The following HORMAD1 variants were observed in gnomAD, a reference collection of about 807,000 sequenced individuals.
HORMAD1 encodes the protein HORMA domain containing 1.
HORMAD1 carries 33 observed loss-of-function variants against 58.2 expected under a neutral mutation model. That is an observed-to-expected ratio of 0.57 (90% CI 0.43 to 0.76). The LOEUF is 0.76. Ranked by LOEUF, HORMAD1 falls within the 30% of genes least tolerant of loss-of-function variation. The pLI is 0.00. For synonymous variants in HORMAD1, 137 were observed against 144.6 expected, an observed-to-expected ratio of 0.95 and a Z score of 0.38; for missense variants, 363 against 462.0, an observed-to-expected ratio of 0.79 and a Z score of 1.96.
chr1:150,719,621 A>G (rs1652183049), intron 1 of HORMAD1, 83 bp from the exon 2 acceptor site: 1 of 608,230 alleles, frequency 1.6e-6, no homozygotes, highest in Non-Finnish European at 2.8e-6. Flanking sequence ...AATTCAAAAC[A>G]ATTTTATGTG....
chr1:150,704,215 AGTTACCCGGGT>A, intron 11 of HORMAD1, 21 bp from the exon 12 acceptor site: 4 of 1,449,244 alleles, frequency 2.8e-6, no homozygotes, highest in Non-Finnish European at 3.8e-6. Flanking sequence ...AAAAAAAAAA[AGTTACCCGGGT>A]ATAAAATTGA....
chr1:150,718,918 A>C lies in HORMAD1; in HGVS notation c.33+555T>G, dbSNP rs587656205. On this transcript the variant is annotated intron_variant, in intron 2 of 14. Coordinates refer to ENST00000361824, the MANE Select transcript of HORMAD1 (RefSeq NM_032132.5). ...ATTCATTAATACCTAATGTAAATTAAATGTGAATGAGCAATTTAATGCAAT... is the reference window on the plus strand; with the variant it reads ...ATTCATTAATACCTAATGTAAATTACATGTGAATGAGCAATTTAATGCAAT... Among the ~76,000 whole-genome samples the C allele has an allele frequency of 1.2e-4, 18 of 152,388 alleles. No individual in the cohort carries two copies. The East Asian group carries it at 3.5e-3, about 29-fold the overall frequency.
At chr1:150,703,252 C>G in intron 13 of HORMAD1, 58 bp downstream of exon 13, 2 of 882,408 alleles carry the variant, frequency 2.3e-6, no homozygotes, top group South Asian at 3.0e-5. Flanking sequence ...AAAATAAACT[C>G]ACATATGGGG....
At chr1:150,712,282 C>A (rs1405630229) in intron 5 of HORMAD1, among the ~76,000 whole-genome samples, 1 of 152,094 alleles carries the variant, frequency 6.6e-6, no homozygotes, top group Non-Finnish European at 1.5e-5. Context: ...AAAAGAAAAT[C>A]ATAGAAAATA....
At position 150,708,888 on chromosome 1, in the gene HORMAD1, C is replaced by A; in HGVS notation, c.395+6G>T. The stretch of plus-strand genomic sequence containing the variant: ...GTAATACAAACAGAAAACTATAGAA[C>A]AATACCTTATGAAGTCCATGAGTGG... On this transcript the variant is annotated splice_donor_region_variant and intron_variant, in intron 8 of 14. Transcript: ENST00000361824. 1 of 1,375,842 alleles carries A rather than the reference C, an allele frequency of 7.3e-7. No homozygotes were observed. The highest frequency in any genetic ancestry group is 1.0e-6 in the Non-Finnish European group (1 of 963,670). 85.2% of individuals were successfully genotyped at this position (1,375,842 alleles called of 1,614,324 possible). A position where few individuals can be genotyped will look rare whatever the true frequency, so the allele number is the denominator to read the frequency against.
chr1:150,717,192 T>C lies in HORMAD1; in HGVS notation c.124A>G (p.Thr42Ala). 6.3e-7 allele frequency: 1 copy of C among 1,593,476 alleles called. No individual in the cohort carries two copies. The highest frequency in any genetic ancestry group is 8.6e-7 in the Non-Finnish European group (1 of 1,166,040). ...RLLAVSVSCI[T>A]YLRGIFPECA... ...TCTGGGAATATTCCCCTCAAATACG[T>C]GATACAGGATACTGAAACTGCTAGA... The change falls in exon 3 of 15, where the codon ACG becomes GCG. Residue 42 changes from threonine to alanine, a missense_variant. Coordinates refer to ENST00000361824, the MANE Select transcript of HORMAD1 (RefSeq NM_032132.5).
chr1:150,708,588 ATAACT>A (rs1258549253), intron 8 of HORMAD1, among the ~76,000 whole-genome samples, 181 bp from the exon 9 acceptor site: 5 of 152,238 alleles, frequency 3.3e-5, no homozygotes, highest in African/African-American at 4.8e-5. Flanking sequence ...GCTAGAAATA[ATAACT>A]TAATTTTACT....
Position 150,720,846 on chromosome 1 carries a change from C to G in HORMAD1, c.-76G>C, listed in dbSNP as rs1325704248. ...GGCGCCGGAGACCAGAAGAGCTGCA[C>G]GAGGCTGCACGCGCTGTGCCCGACG... On this transcript the variant is annotated 5_prime_UTR_variant, in exon 1 of 15. Transcript: ENST00000361824. 1.3e-5 allele frequency: 2 copies of G among 152,386 alleles called. No homozygotes were observed. Among genetic ancestry groups the G allele is most frequent in the East Asian group, 3.9e-4 (2 of 5,182 alleles). The allele number at this position is 152,386 out of a possible 1,614,324, so 9.4% of individuals were successfully genotyped here. A position where few individuals can be genotyped will look rare whatever the true frequency, so the allele number is the denominator to read the frequency against.
chr1:150,698,948 T>C (rs1312676886), intron 14 of HORMAD1: 4 of 408,962 alleles, frequency 9.8e-6, no homozygotes, highest in Non-Finnish European at 1.8e-5. Context: ...GCAAAATGTA[T>C]AATCTTCAGT....
intron 1 of HORMAD1, among the ~76,000 whole-genome samples, chr1:150,719,892 A>C (rs1289182805): frequency 6.6e-6 from 1 of 152,138 alleles, no homozygotes; most frequent in African/African-American, 2.4e-5. Context: ...CAAACCCTCT[A>C]AACTTTTTCA....
chr1:150,714,158 T>C lies in HORMAD1; in HGVS notation c.243-37A>G, dbSNP rs376735353. The C allele has an allele frequency of 5.8e-6, 7 of 1,203,058 alleles. No homozygotes were observed. The Admixed American group carries it at 1.5e-4, about 26-fold the overall frequency. The allele number at this position is 1,203,058 out of a possible 1,614,324, so 74.5% of individuals were successfully genotyped here. A position where few individuals can be genotyped will look rare whatever the true frequency, so the allele number is the denominator to read the frequency against. Reference sequence around the variant, plus strand: ...ATCAAGGATTCATTTTTAGACTGAATGCATTTCCAGAAAATAGTTATTTTC... The same window carrying C: ...ATCAAGGATTCATTTTTAGACTGAACGCATTTCCAGAAAATAGTTATTTTC... On this transcript the variant is annotated intron_variant, in intron 4 of 14. Transcript: ENST00000361824.
intron 13 of HORMAD1, chr1:150,701,937 G>A (rs587617723): frequency 2.6e-5 from 4 of 152,268 alleles, no homozygotes; most frequent in Admixed American, 1.3e-4. Context: ...CTTGCACAAG[G>A]ATGACATGCA....
chr1:150,705,696 T>C (rs913853495), intron 10 of HORMAD1, among the ~76,000 whole-genome samples: 1 of 152,186 alleles, frequency 6.6e-6, no homozygotes, highest in Non-Finnish European at 1.5e-5. Context: ...TACAAACACC[T>C]CAGCCATATT....
In HORMAD1 at chr1:150,717,195, T is replaced by C; in HGVS notation, c.121A>G (p.Ile41Val). ...KRLLAVSVSCITYLRGIFPEC... is the reference protein window; with the variant it reads ...KRLLAVSVSCVTYLRGIFPEC... ...GGGAATATTCCCCTCAAATACGTGATACAGGATACTGAAACTGCTAGAAGC... is the reference window on the plus strand; with the variant it reads ...GGGAATATTCCCCTCAAATACGTGACACAGGATACTGAAACTGCTAGAAGC... Residue 41 changes from isoleucine to valine, a missense_variant, in exon 3 of 15, where the codon ATC becomes GTC. Physicochemically the swap from Ile to Val is conservative, Grantham distance 29. Around this residue, in one of 3 missense-constraint regions of HORMAD1, gnomAD observed 128 missense variants for 171.8 expected, o/e 0.74. Coordinates refer to ENST00000361824, the MANE Select transcript of HORMAD1 (RefSeq NM_032132.5). 1.3e-6 allele frequency: 2 copies of C among 1,595,280 alleles called. No homozygotes were observed. Among genetic ancestry groups the C allele is most frequent in the Non-Finnish European group, 1.7e-6 (2 of 1,166,884 alleles).
intron 2 of HORMAD1, 133 bp from the exon 3 acceptor site, chr1:150,717,415 TC>T (rs1312471709): frequency 3.0e-5 from 14 of 464,824 alleles, no homozygotes; most frequent in Non-Finnish European, 5.2e-5. Flanking sequence ...TGGTTAGTAA[TC>T]CCCCAAAAGT....
intron 10 of HORMAD1, 128 bp downstream of exon 10, chr1:150,706,425 C>T: frequency 1.2e-6 from 1 of 834,678 alleles, no homozygotes; most frequent in Admixed American, 2.8e-5. Flanking sequence ...TTTAAGGTCC[C>T]TTTCAACCTT....
intron 5 of HORMAD1, among the ~76,000 whole-genome samples, chr1:150,713,215 A>C (rs1651952373): frequency 6.6e-6 from 1 of 152,184 alleles, no homozygotes; most frequent in Non-Finnish European, 1.5e-5. Context: ...CTTTTGCTAA[A>C]AATTTTAATG....
chr1:150,714,602 T>G lies in HORMAD1; in HGVS notation c.242+13A>C, dbSNP rs751155674. On this transcript the variant is annotated intron_variant, in intron 4 of 14. Coordinates refer to ENST00000361824, the MANE Select transcript of HORMAD1 (RefSeq NM_032132.5). ...AAAAATAATTTTCTCTCTTTAGGTA[T>G]TCTTTTACTTGCCATTTCACTAACT... The G allele has an allele frequency of 2.2e-6, 3 of 1,351,310 alleles. No homozygotes were observed. Among genetic ancestry groups the G allele is most frequent in the South Asian group, 1.5e-5 (1 of 67,230 alleles). The allele number at this position is 1,351,310 out of a possible 1,614,324, so 83.7% of individuals were successfully genotyped here.
chr1:150,702,937 G>A (rs1651579520), intron 13 of HORMAD1, among the ~76,000 whole-genome samples: 1 of 152,120 alleles, frequency 6.6e-6, no homozygotes, highest in African/African-American at 2.4e-5. Flanking sequence ...TCAAGCATGG[G>A]AACATTCTGG....
Sources: gnomAD v4.1 joint callset for allele counts (sites outside exome capture counted in the v4.1 genomes callset) on GRCh38, gnomAD v4.1.1 for gene constraint, gnomAD v4.1.1 regional missense constraint, MANE v1.5 for transcripts, NCBI Gene and HGNC (gene_info 2026-07-23, HGNC 2026-07-21) for gene names.